The following TG variants were observed in gnomAD, a reference collection of about 807,000 sequenced individuals.
TG encodes thyroid hormones.
TG carries 270 observed loss-of-function variants against 324.7 expected under a neutral mutation model. That is an observed-to-expected ratio of 0.83 (90% CI 0.75 to 0.92). The LOEUF is 0.92. Ranked by LOEUF, TG falls within the 40% of genes least tolerant of loss-of-function variation. The pLI is 0.00. For missense variants in TG, 3,591 were observed against 3,456.4 expected (o/e 1.04, Z -0.98); for synonymous variants, 1,401 against 1,327.0 (o/e 1.06, Z -1.21).
chr8:133,095,777 G>A (rs562750751), intron 42 of TG, among the ~76,000 whole-genome samples: 2 of 152,354 alleles, frequency 1.3e-5, no homozygotes, highest in South Asian at 2.1e-4. Flanking sequence ...GATCGCCTTA[G>A]CAATGAGTCT....
At chr8:132,882,017 C>T (rs962534739) in intron 6 of TG, 48 bp downstream of exon 6, 5 of 1,368,544 alleles carry the variant, frequency 3.7e-6, no homozygotes, top group Non-Finnish European at 5.2e-6. Flanking sequence ...TGTGATTCCT[C>T]AGGTCTGAAA....
At position 133,050,653 on chromosome 8, in the gene TG, C is replaced by T. The variant is rs185773885; in HGVS notation, c.7239+20630C>T. 2.7e-3 allele frequency: 1,589 copies of T among 599,460 alleles called. 67 individuals carry two copies. In the Admixed American group the frequency reaches 0.044, roughly 17 times the overall value. 37.1% of individuals were successfully genotyped at this position (599,460 alleles called of 1,614,324 possible). ...CTATGGAAGGTTCTAGAGCACTGGCCACATTAAAGAGGAAGGTTGCAGTAT... is the reference window on the plus strand; with the variant it reads ...CTATGGAAGGTTCTAGAGCACTGGCTACATTAAAGAGGAAGGTTGCAGTAT... On this transcript the variant is annotated intron_variant, in intron 41 of 47. Coordinates refer to ENST00000220616, the MANE Select transcript of TG (RefSeq NM_003235.5).
At chr8:132,895,580 C>G (rs976859371) in intron 11 of TG, among the ~76,000 whole-genome samples, 1 of 152,248 alleles carries the variant, frequency 6.6e-6, no homozygotes, top group African/African-American at 2.4e-5. Flanking sequence ...GGTTAACCAT[C>G]CTTATTGCTT....
rs573117867 is a variant in TG at position 133,038,470 on chromosome 8, C to T, written c.7239+8447C>T. On this transcript the variant is annotated intron_variant, in intron 41 of 47. Transcript: ENST00000220616. ...ACCTCGCTTTTCGCAAGATCCCAGG[C>T]AATAGTTGGAACTTCTGTTCCTTTT... The T allele has an allele frequency of 2.2e-6, 3 of 1,390,918 alleles. No individual in the cohort carries two copies. The South Asian group carries it at 3.5e-5, about 16-fold the overall frequency. 86.2% of individuals were successfully genotyped at this position (1,390,918 alleles called of 1,614,324 possible).
chr8:133,083,931 C>A (rs1052628068), intron 41 of TG, among the ~76,000 whole-genome samples: 2 of 152,198 alleles, frequency 1.3e-5, no homozygotes, highest in African/African-American at 4.8e-5. Flanking sequence ...CATGGAGCCA[C>A]CTCAGTCACT....
At chr8:132,940,363 A>G (rs1184028807) in intron 25 of TG, among the ~76,000 whole-genome samples, 1 of 152,206 alleles carries the variant, frequency 6.6e-6, no homozygotes, top group Admixed American at 6.5e-5. Context: ...ATAGTGCTCT[A>G]TATATCTATC....
At chr8:132,887,655 C>T in intron 9 of TG, 107 bp downstream of exon 9, 13 of 1,443,248 alleles carry the variant, frequency 9.0e-6, no homozygotes, top group Admixed American at 1.7e-5. Context: ...GCTTACACTT[C>T]AGTTAAGGAC....
intron 20 of TG, among the ~76,000 whole-genome samples, chr8:132,917,001 CCCTCCCTCCCTTCCTCCCTCCATG>C (rs1820386783): frequency 8.4e-6 from 1 of 118,712 alleles, no homozygotes; most frequent in Non-Finnish European, 1.8e-5. Flanking sequence ...TTCCCTCCAA[CCCTCCCTCCCTTCCTCCCTCCATG>C]CCTCCCTCCC....
At chr8:133,010,831 C>G (rs1032929570) in intron 35 of TG, among the ~76,000 whole-genome samples, 9 of 152,202 alleles carry the variant, frequency 5.9e-5, no homozygotes, top group African/African-American at 2.2e-4. Flanking sequence ...CTTCCCTCCC[C>G]CATGCTGAGA....
At chr8:132,926,603 A>G (rs1475044647) in intron 22 of TG, among the ~76,000 whole-genome samples, 1 of 152,150 alleles carries the variant, frequency 6.6e-6, no homozygotes, top group Admixed American at 6.6e-5. Flanking sequence ...ACTATTTCCT[A>G]AAGGTCTTCA....
chr8:132,957,197 C>T (rs966665122), intron 27 of TG, among the ~76,000 whole-genome samples: 2 of 152,172 alleles, frequency 1.3e-5, no homozygotes, highest in African/African-American at 4.8e-5. Context: ...ACAATAATCT[C>T]TGTAGGTGCT....
intron 35 of TG, among the ~76,000 whole-genome samples, chr8:133,006,824 T>C (rs1413675797): frequency 1.3e-5 from 2 of 152,236 alleles, no homozygotes; most frequent in African/African-American, 4.8e-5. Context: ...GAGATGTTAA[T>C]TTTTTAGTTA....
intron 32 of TG, among the ~76,000 whole-genome samples, chr8:132,970,857 G>T (rs1384221032): frequency 6.6e-6 from 1 of 152,194 alleles, no homozygotes; most frequent in Non-Finnish European, 1.5e-5. Context: ...GGACAGGTTA[G>T]CAGAGAACTA....
At chr8:132,914,956 G>A (rs917670577) in intron 20 of TG, among the ~76,000 whole-genome samples, 11 of 152,112 alleles carry the variant, frequency 7.2e-5, no homozygotes, top group South Asian at 2.1e-4. Flanking sequence ...TGTATGTGGC[G>A]TGTGTGTATG....
chr8:132,990,227 A>G (rs1413270264), intron 35 of TG, among the ~76,000 whole-genome samples: 1 of 150,928 alleles, frequency 6.6e-6, no homozygotes, highest in Non-Finnish European at 1.5e-5. Flanking sequence ...TCACACACAC[A>G]TTTTTATGGA....
chr8:133,068,724 T>C (rs1054963367), intron 41 of TG, among the ~76,000 whole-genome samples: 1 of 152,210 alleles, frequency 6.6e-6, no homozygotes, highest in Admixed American at 6.5e-5. Flanking sequence ...CTGTCTGGCA[T>C]ACGGAGGCGG....
chr8:132,871,631 G>T, intron 4 of TG, 80 bp downstream of exon 4: 1 of 1,438,332 alleles, frequency 7.0e-7, no homozygotes. Flanking sequence ...CACATTTAGG[G>T]TTTCCTGCCG....
At chr8:132,968,449 T>C (rs1828959273) in intron 31 of TG, among the ~76,000 whole-genome samples, 1 of 152,232 alleles carries the variant, frequency 6.6e-6, no homozygotes, top group African/African-American at 2.4e-5. Context: ...TTTAACAAGA[T>C]AGAAGGTGAT....
At chr8:133,084,488 G>A (rs1259158560) in intron 41 of TG, among the ~76,000 whole-genome samples, 1 of 152,156 alleles carries the variant, frequency 6.6e-6, no homozygotes, top group African/African-American at 2.4e-5. Context: ...ATCACTCATG[G>A]TGTCACTTTT....
Sources: gnomAD v4.1 joint callset for allele counts (sites outside exome capture counted in the v4.1 genomes callset) on GRCh38, gnomAD v4.1.1 for gene constraint, MANE v1.5 for transcripts, NCBI Gene and HGNC (gene_info 2026-07-23, HGNC 2026-07-21) for gene names.